Variants in RTBDN observed in about 807,000 individuals in gnomAD.
The protein encoded by RTBDN is retbindin.
RTBDN carries 24 observed loss-of-function variants against 21.9 expected under a neutral mutation model. The observed-to-expected ratio is 1.10, with a 90% CI of 0.79 to 1.54. The LOEUF (loss-of-function observed/expected upper bound fraction) is 1.54, where lower values mean the gene tolerates loss of function less well. Among genes scored for constraint, RTBDN ranks in the 40% most tolerant of loss-of-function variants. The pLI, the probability that RTBDN is intolerant of heterozygous loss-of-function variation, is 0.00. For missense variants in RTBDN, 325 were observed against 315.2 expected, an observed-to-expected ratio of 1.03 and a Z score of -0.23; for synonymous variants, 141 against 125.9, an observed-to-expected ratio of 1.12 and a Z score of -0.80.
In RTBDN at chr19:12,834,323, A is replaced by G. The variant is rs1290919882; in HGVS notation, c.-19+166T>C. ...GAAGTCATCGCCCTGGCGCCTCGCC[A>G]GGCTAGGGGTGAGGGGGCGCAGAGC... is the stretch of plus-strand genomic sequence containing the variant. On this transcript the variant is annotated intron_variant, in intron 1 of 5. Coordinates refer to ENST00000674343, the MANE Select transcript of RTBDN (RefSeq NM_001270441.2). The surrounding 1 kb of genome is among the most constrained non-coding windows in gnomAD (Gnocchi z 4.7). Among the ~76,000 whole-genome samples, 1 of 152,290 alleles carries G rather than the reference A, an allele frequency of 6.6e-6. No individual in the cohort carries two copies. The highest frequency in any genetic ancestry group is 2.4e-5 in the African/African-American group (1 of 41,580).
At chr19:12,831,417 A>T (rs1362790887) in intron 1 of RTBDN, among the ~76,000 whole-genome samples, 1 of 152,160 alleles carries the variant, frequency 6.6e-6, no homozygotes, top group Non-Finnish European at 1.5e-5. Context: ...AAGACATGAA[A>T]ATTTCAGCCA....
chr19:12,825,868 A>T lies in RTBDN; in HGVS notation c.528T>A (p.Pro176=), dbSNP rs1429205935. ...AGATGTTGAAGCAGTGACGGGCTCC[A>T]GGAGCAGCCACCGGTAGGGCGTGGC... The part of the protein sequence containing the change: ...ALGHALPVAA[P]GARHCFNISI... Residue 176 remains proline (P), a synonymous_variant, in exon 6 of 6, where the codon CCT becomes CCA. Coordinates refer to ENST00000674343, the MANE Select transcript of RTBDN (RefSeq NM_001270441.2). 6.2e-7 allele frequency: 1 copy of T among 1,613,238 alleles called. No individual in the cohort carries two copies. Among genetic ancestry groups the T allele is most frequent in the Non-Finnish European group, 8.5e-7 (1 of 1,179,750 alleles).
At chr19:12,829,101 A>AT (rs1270483959) in intron 2 of RTBDN, 148 bp from the exon 3 acceptor site, 1 of 1,300,466 alleles carries the variant, frequency 7.7e-7, no homozygotes, top group African/African-American at 1.5e-5. Flanking sequence ...TGGAATGCAA[A>AT]TGCAGCTTCA....
At chr19:12,826,486 G>C (rs1969303569) in intron 5 of RTBDN, 2 of 1,059,588 alleles carry the variant, frequency 1.9e-6, no homozygotes, top group Admixed American at 7.0e-5. Flanking sequence ...CTGAGGTCAG[G>C]AGTTCGAAAC....
Position 12,830,682 on chromosome 19 carries a change from A to G in RTBDN, c.-18-685T>C, listed in dbSNP as rs1165159715. On this transcript the variant is annotated intron_variant, in intron 1 of 5. Coordinates refer to ENST00000674343, the MANE Select transcript of RTBDN (RefSeq NM_001270441.2). This position sits in a 1 kb window ranked among gnomAD's most constrained non-coding sequence, Gnocchi z 4.2. ...TCCAGTCCAGGAAACTGGCTGCTGA[A>G]AGGGGCGTGGCTTAATGCAGGGGCG... The G allele has an allele frequency of 1.2e-5, 12 of 985,452 alleles. No individual in the cohort carries two copies. The highest frequency in any genetic ancestry group is 1.4e-5 in the Non-Finnish European group (12 of 830,058). 61.0% of individuals were successfully genotyped at this position (985,452 alleles called of 1,614,324 possible).
intron 4 of RTBDN, 77 bp from the exon 5 acceptor site, chr19:12,826,948 G>T: frequency 9.8e-7 from 1 of 1,016,922 alleles, no homozygotes; most frequent in Non-Finnish European, 1.5e-6. Flanking sequence ...TCTAGACTGT[G>T]TTCACTATAT....
chr19:12,828,512 G>A, intron 4 of RTBDN, 145 bp downstream of exon 4: 1 of 605,994 alleles, frequency 1.7e-6, no homozygotes, highest in Non-Finnish European at 2.9e-6. Flanking sequence ...CTATCTACCT[G>A]GGCTCTAAAC....
At chr19:12,833,897 C>G (rs1372000518) in intron 1 of RTBDN, 1 of 371,360 alleles carries the variant, frequency 2.7e-6, no homozygotes, top group Non-Finnish European at 4.8e-6. Flanking sequence ...CTCACTCCCT[C>G]CCTCCTCCCT....
chr19:12,830,521 C>T lies in RTBDN; in HGVS notation c.-18-524G>A. The stretch of plus-strand genomic sequence containing the variant: ...TGGTGTGGCAGGGCTCAGGTTCTGT[C>T]ACTGGGGCCCAAAGCCCCGAGGCAG... On this transcript the variant is annotated intron_variant, in intron 1 of 5. Coordinates refer to ENST00000674343, the MANE Select transcript of RTBDN (RefSeq NM_001270441.2). This position sits in a 1 kb window ranked among gnomAD's most constrained non-coding sequence, Gnocchi z 4.2. 1.0e-6 allele frequency: 1 copy of T among 985,164 alleles called. No homozygotes were observed. The highest frequency in any genetic ancestry group is 1.2e-6 in the Non-Finnish European group (1 of 829,602). 61.0% of individuals were successfully genotyped at this position (985,164 alleles called of 1,614,324 possible). A position where few individuals can be genotyped will look rare whatever the true frequency, so the allele number is the denominator to read the frequency against.
intron 1 of RTBDN, chr19:12,833,981 G>A (rs1969670621): frequency 2.5e-6 from 1 of 398,216 alleles, no homozygotes; most frequent in East Asian, 3.6e-5. Context: ...GACGATTCGG[G>A]CCTCATCCGC....
chr19:12,826,036 C>G (rs1346434061), intron 5 of RTBDN, 103 bp from the exon 6 acceptor site: 1 of 1,435,778 alleles, frequency 7.0e-7, no homozygotes, highest in Non-Finnish European at 9.1e-7. Context: ...GGATTGGGGT[C>G]AGAGCCGGAG....
chr19:12,826,768 C>T lies in RTBDN; in HGVS notation c.462+7G>A, dbSNP rs1340551065. ...TCTCTTCCCTTCACCTTCTGCCCCACGCTCACCTGTCCATAGGTAAGGCAG... is the reference window on the plus strand; with the variant it reads ...TCTCTTCCCTTCACCTTCTGCCCCATGCTCACCTGTCCATAGGTAAGGCAG... On this transcript the variant is annotated splice_region_variant and intron_variant, in intron 5 of 5. Transcript: ENST00000674343. 1.4e-5 allele frequency: 22 copies of T among 1,529,908 alleles called. No individual in the cohort carries two copies. In the East Asian group the frequency reaches 1.5e-4, roughly 10 times the overall value. The allele number at this position is 1,529,908 out of a possible 1,614,324, so 94.8% of individuals were successfully genotyped here.
In RTBDN at chr19:12,825,922, G is replaced by T. The variant is rs370717674; in HGVS notation, c.474C>A (p.Asp158Glu). The T allele has an allele frequency of 1.9e-6, 3 of 1,584,628 alleles. No homozygotes were observed. The South Asian group carries it at 3.4e-5, about 18-fold the overall frequency. ...GAGCCGAGCGACAAAGGTCCGTCCC[G>T]TCTGCGAAGGTCTAGGAAAAAGTGG... The part of the protein sequence containing the change: ...SCLTYGQTFA[D>E]GTDLCRSALG... The change falls in exon 6 of 6, where the codon GAC becomes GAA. Residue 158 changes from aspartate (D) to glutamate (E), a missense_variant. Asp to Glu is a conservative substitution (Grantham distance 45). Coordinates refer to ENST00000674343, the MANE Select transcript of RTBDN (RefSeq NM_001270441.2).
At chr19:12,828,141 T>C (rs529504030) in intron 4 of RTBDN, among the ~76,000 whole-genome samples, 11 of 149,614 alleles carry the variant, frequency 7.4e-5, no homozygotes, top group South Asian at 4.2e-4. Context: ...CTCACGCCTG[T>C]AATCCCAGCA....
Position 12,828,946 on chromosome 19 carries a change from A to T in RTBDN, c.177T>A (p.Cys59Ter), listed in dbSNP as rs1482663449. 1 of 1,614,138 alleles carries T rather than the reference A, an allele frequency of 6.2e-7. No individual in the cohort carries two copies. Among genetic ancestry groups the T allele is most frequent in the East Asian group, 2.2e-5 (1 of 44,870 alleles). Residue 59 changes from cysteine (C) to a stop codon, truncating the protein, a stop_gained, in exon 3 of 6, where the codon TGT becomes TGA. Coordinates refer to ENST00000674343, the MANE Select transcript of RTBDN (RefSeq NM_001270441.2). LOFTEE classifies it high-confidence loss of function. ...CTGTTGTGTCCATCTCTGAGGGACA[A>T]CAAGGTCCTGGCAAAGGGGAACCCT... ...GKGKLHLAGPCCPSEMDTTET... is the reference protein window; with the variant it reads ...GKGKLHLAGP
In RTBDN at chr19:12,834,413, T is replaced by C. The variant is rs1275121758; in HGVS notation, c.-19+76A>G. On this transcript the variant is annotated intron_variant, in intron 1 of 5. Transcript: ENST00000674343. The surrounding 1 kb of genome is among the most constrained non-coding windows in gnomAD (Gnocchi z 4.7). ...GGCGCCGCTGGAGGCGTAAACATGT[T>C]TGTGCGGCAACCTCGCCCCTCACCA... 5.0e-5 allele frequency: 59 copies of C among 1,172,712 alleles called. No homozygotes were observed. Among genetic ancestry groups the C allele is most frequent in the African/African-American group, 9.1e-5 (6 of 65,632 alleles). 72.6% of individuals were successfully genotyped at this position (1,172,712 alleles called of 1,614,324 possible). A position where few individuals can be genotyped will look rare whatever the true frequency, so the allele number is the denominator to read the frequency against.
At position 12,833,491 on chromosome 19, in the gene RTBDN, G is replaced by T. The variant is rs540188132; in HGVS notation, c.-19+998C>A. Among the ~76,000 whole-genome samples the T allele has an allele frequency of 1.5e-3, 232 of 152,092 alleles. 2 individuals are homozygous for T. The Middle Eastern group carries it at 0.027, about 18-fold the overall frequency. Reference sequence around the variant, plus strand: ...GATTTTCAGGGTTGGGGGAGTTCTTGATTGGACAGGGCGTCCCTGTGGAAA... The same window carrying T: ...GATTTTCAGGGTTGGGGGAGTTCTTTATTGGACAGGGCGTCCCTGTGGAAA... On this transcript the variant is annotated intron_variant, in intron 1 of 5. Transcript: ENST00000674343.
chr19:12,826,872 C>T lies in RTBDN; in HGVS notation c.366-1G>A. ...GATATCATCTTCGCAGTTGGCGAAC[C>T]TGGAGATGGCGAGTGGAGAGGTGGG... On this transcript the variant is annotated splice_acceptor_variant, in intron 4 of 5. Coordinates refer to ENST00000674343, the MANE Select transcript of RTBDN (RefSeq NM_001270441.2). LOFTEE classifies it high-confidence loss of function. The T allele has an allele frequency of 6.5e-7, 1 of 1,548,842 alleles. No homozygotes were observed. The highest frequency in any genetic ancestry group is 8.7e-7 in the Non-Finnish European group (1 of 1,145,920).
chr19:12,829,156 C>A, intron 2 of RTBDN: 3 of 860,500 alleles, frequency 3.5e-6, no homozygotes, highest in Non-Finnish European at 5.2e-6. Context: ...ACTTACTTGT[C>A]ATGTGCCTGG....
Sources: allele counts gnomAD v4.1 joint callset (sites outside exome capture counted in the v4.1 genomes callset), GRCh38; gene constraint gnomAD v4.1.1; non-coding constraint Gnocchi (gnomAD v3.1); transcripts MANE v1.5; gene names NCBI Gene and HGNC (gene_info 2026-07-23, HGNC 2026-07-21).